Variants in SEMA4B observed in about 807,000 individuals in gnomAD.
The protein encoded by SEMA4B is semaphorin 4B.
Under a neutral mutation model 88.1 loss-of-function variants are expected in SEMA4B, and 55 were observed. The ratio of observed to expected loss-of-function variants is 0.62; its 90% CI spans 0.50 to 0.78. The LOEUF (loss-of-function observed/expected upper bound fraction) is 0.78, where lower values mean the gene tolerates loss of function less well. Ranked by LOEUF, SEMA4B falls within the 30% of genes least tolerant of loss-of-function variation. The pLI is 0.00. For missense variants in SEMA4B, 1,062 were observed against 1,111.9 expected (o/e 0.96, Z 0.64); for synonymous variants, 525 against 473.6 (o/e 1.11, Z -1.41).
At position 90,221,707 on chromosome 15, in the gene SEMA4B, GC is replaced by G; in HGVS notation, c.805del (p.Gln269ArgfsTer60). 2.5e-6 allele frequency: 4 copies of G among 1,614,002 alleles called. No homozygotes were observed. Among genetic ancestry groups the G allele is most frequent in the Non-Finnish European group, 3.4e-6 (4 of 1,179,900 alleles). ...DKIYFFFSET[G>X]QEFEFFENTI... Reference sequence around the variant, plus strand: ...ATCTACTTTTTCTTCAGCGAGACTGGCCAGGAATTTGAGTTCTTTGAGAACA... The same window carrying G: ...ATCTACTTTTTCTTCAGCGAGACTGGCAGGAATTTGAGTTCTTTGAGAACA... On this transcript the variant is annotated frameshift_variant, in exon 7 of 14. Coordinates refer to ENST00000411539, the MANE Select transcript of SEMA4B (RefSeq NM_198925.4). LOFTEE classifies it high-confidence loss of function.
At position 90,227,572 on chromosome 15, in the gene SEMA4B, C is replaced by T; in HGVS notation, c.1704C>T (p.Asp568=). Residue 568 remains aspartate (D), a synonymous_variant, in exon 13 of 14, where the codon GAC becomes GAT. Transcript: ENST00000411539. The stretch of plus-strand genomic sequence containing the variant: ...TGGCCCTCAGGCCGTGGATCCAGGA[C>T]ATCGAGGGAGCCAGCGCCAAGGACC... ...PQLATRPWIQ[D]IEGASAKDLC... 6.2e-7 allele frequency: 1 copy of T among 1,613,988 alleles called. No homozygotes were observed. Among genetic ancestry groups the T allele is most frequent in the Non-Finnish European group, 8.5e-7 (1 of 1,179,880 alleles).
rs1436163565 is a variant in SEMA4B, at chr15:90,212,958, GC to G, written c.158-4479del. Among the ~76,000 whole-genome samples, 6 of 152,290 alleles carry G rather than the reference GC, an allele frequency of 3.9e-5. No individual in the cohort carries two copies. Among genetic ancestry groups the G allele is most frequent in the Admixed American group, 2.6e-4 (4 of 15,282 alleles). ...CTCCCGCAAGGAGCCCTGCCCTTCT[GC>G]CAGCTCTCACCGGGCCGGATTTTCC... On this transcript the variant is annotated intron_variant, in intron 1 of 13. Coordinates refer to ENST00000411539, the MANE Select transcript of SEMA4B (RefSeq NM_198925.4). The surrounding 1 kb of genome is among the most constrained non-coding windows in gnomAD (Gnocchi z 4.0).
intron 9 of SEMA4B, among the ~76,000 whole-genome samples, chr15:90,224,282 C>G (rs1259773037): frequency 6.6e-6 from 1 of 152,238 alleles, no homozygotes. Context: ...TACTCAGCTG[C>G]AAGCTCCTTA....
Position 90,223,623 on chromosome 15 carries a change from T to C in SEMA4B, c.926T>C (p.Leu309Pro), listed in dbSNP as rs1961979879. 2 of 1,613,462 alleles carry C rather than the reference T, an allele frequency of 1.2e-6. No homozygotes were observed. Among genetic ancestry groups the C allele is most frequent in the South Asian group, 2.2e-5 (2 of 91,026 alleles). The stretch of plus-strand genomic sequence containing the variant: ...ACCTCCTTCCTCAAGGCCCAGCTGC[T>C]GTGCTCACGGCCCGACGATGGCTTC... ...RWTSFLKAQL[L>P]CSRPDDGFPF... Residue 309 changes from leucine to proline, a missense_variant, in exon 8 of 14, where the codon CTG becomes CCG. By Grantham distance (98) the Leu-to-Pro change is moderately conservative (BLOSUM62 -3). Transcript: ENST00000411539.
intron 1 of SEMA4B, among the ~76,000 whole-genome samples, chr15:90,206,283 C>G (rs530492891): frequency 6.6e-6 from 1 of 152,176 alleles, no homozygotes; most frequent in African/African-American, 2.4e-5. Context: ...GCAACAGGAA[C>G]AACACAACGC....
chr15:90,201,473 CCCCCGGGGCGA>C lies in SEMA4B; in HGVS notation c.-104_-94del, dbSNP rs1177273311. On this transcript the variant is annotated 5_prime_UTR_variant, in exon 1 of 14. Coordinates refer to ENST00000411539, the MANE Select transcript of SEMA4B (RefSeq NM_198925.4). ...CGCCCCCCAGGTCCGGAGGCGGGGG[CCCCCGGGGCGA>C]CTCGGGGGCGGACCGCGGGGCGGAG... The C allele has an allele frequency of 3.8e-6, 5 of 1,307,910 alleles. No individual in the cohort carries two copies. The highest frequency in any genetic ancestry group is 4.2e-5 in the Admixed American group (1 of 23,634). The allele number at this position is 1,307,910 out of a possible 1,614,324, so 81.0% of individuals were successfully genotyped here.
At chr15:90,222,223 A>T (rs2151621543) in intron 7 of SEMA4B, among the ~76,000 whole-genome samples, 1 of 146,320 alleles carries the variant, frequency 6.8e-6, no homozygotes, top group Non-Finnish European at 1.5e-5. Context: ...TACAGGCATG[A>T]GCCACTGCAC....
chr15:90,210,081 C>T (rs777301194), intron 1 of SEMA4B, among the ~76,000 whole-genome samples: 1 of 151,966 alleles, frequency 6.6e-6, no homozygotes, highest in Non-Finnish European at 1.5e-5. Context: ...CTCAGGACTG[C>T]GGTAGTGGGG....
rs967513426 is a variant in SEMA4B, at chr15:90,228,636, T to C, written c.2507T>C (p.Val836Ala). 3 of 1,613,070 alleles carry C rather than the reference T, an allele frequency of 1.9e-6. No individual in the cohort carries two copies. In the African/African-American group the frequency reaches 4.0e-5, roughly 22 times the overall value. The change falls in exon 14 of 14, where the codon GTG becomes GCG. Residue 836 changes from valine (V) to alanine (A), a missense_variant. By Grantham distance (64) the Val-to-Ala change is moderately conservative (BLOSUM62 0). Coordinates refer to ENST00000411539, the MANE Select transcript of SEMA4B (RefSeq NM_198925.4). ...CTTGGCTCGGAGATCCGTGACTCTG[T>C]GGTGTGAGAGCTGACTTCCAGAGGA... is the stretch of plus-strand genomic sequence containing the variant. ...VRLGSEIRDS[V>A]V
At chr15:90,221,546 T>C in intron 6 of SEMA4B, 66 bp downstream of exon 6, 2 of 1,607,618 alleles carry the variant, frequency 1.2e-6, no homozygotes, top group Non-Finnish European at 1.7e-6. Context: ...AAGGGGGCAC[T>C]TTCCCCCAGC....
At chr15:90,188,113 G>A (rs574583746) in intron 1 of SEMA4B, among the ~76,000 whole-genome samples, 3 of 151,972 alleles carry the variant, frequency 2.0e-5, no homozygotes, top group Non-Finnish European at 2.9e-5. Flanking sequence ...GAGTCCAGGA[G>A]TTCGAGACCA....
At position 90,223,929 on chromosome 15, in the gene SEMA4B, C is replaced by T. The variant is rs762088970; in HGVS notation, c.1135C>T (p.Arg379Cys). ...CAGCGGCCTCTACAAGGAGGTGAAC[C>T]GTGAGACACAGCAGTGGTACACCGT... ...VFSGLYKEVN[R>C]ETQQWYTVTH... The change falls in exon 9 of 14, where the codon CGT (arginine) becomes TGT (cysteine). Residue 379 changes from arginine to cysteine, a missense_variant. Arg to Cys is a radical substitution (Grantham distance 180). Transcript: ENST00000411539. The T allele has an allele frequency of 8.1e-6, 13 of 1,613,712 alleles. No homozygotes were observed. Among genetic ancestry groups the T allele is most frequent in the East Asian group, 4.5e-5 (2 of 44,886 alleles).
chr15:90,212,766 A>T lies in SEMA4B; in HGVS notation c.158-4673A>T, dbSNP rs1218366704. On this transcript the variant is annotated intron_variant, in intron 1 of 13. Coordinates refer to ENST00000411539, the MANE Select transcript of SEMA4B (RefSeq NM_198925.4). This position sits in a 1 kb window ranked among gnomAD's most constrained non-coding sequence, Gnocchi z 4.0. Reference sequence around the variant, plus strand: ...TTAGACAGTAACACCACTCACACCGAGCACAGACCAGCTCGCGCCCACAAC... The same window carrying T: ...TTAGACAGTAACACCACTCACACCGTGCACAGACCAGCTCGCGCCCACAAC... 1.3e-5 allele frequency among the ~76,000 whole-genome samples: 2 copies of T among 152,174 alleles called. No individual in the cohort carries two copies. The highest frequency in any genetic ancestry group is 2.9e-5 in the Non-Finnish European group (2 of 68,030).
At position 90,217,903 on chromosome 15, in the gene SEMA4B, C is replaced by T. The variant is rs1026307043; in HGVS notation, c.384+74C>T. The T allele has an allele frequency of 1.9e-5, 26 of 1,337,026 alleles. No homozygotes were observed. In the East Asian group the frequency reaches 2.4e-4, roughly 13 times the overall value. 82.8% of individuals were successfully genotyped at this position (1,337,026 alleles called of 1,614,324 possible). ...GGTGGACTTCCATCCAGGCCAGAGG[C>T]GGGAGGTGGGAGCAGATACAGCCAG... is the stretch of plus-strand genomic sequence containing the variant. On this transcript the variant is annotated intron_variant, in intron 3 of 13. Coordinates refer to ENST00000411539, the MANE Select transcript of SEMA4B (RefSeq NM_198925.4).
chr15:90,193,047 T>C (rs1184595618), intron 1 of SEMA4B: 1 of 152,426 alleles, frequency 6.6e-6, no homozygotes, highest in Non-Finnish European at 1.5e-5. Flanking sequence ...CCAGCTTTGA[T>C]GATGACTTCA....
At chr15:90,188,985 G>T (rs573565944) in intron 1 of SEMA4B, among the ~76,000 whole-genome samples, 6 of 152,240 alleles carry the variant, frequency 3.9e-5, no homozygotes, top group Admixed American at 3.9e-4. Context: ...AATATTCTCT[G>T]AAAGAACAGT....
intron 12 of SEMA4B, 39 bp downstream of exon 12, chr15:90,225,866 CTGCA>C (rs1307022472): frequency 1.1e-5 from 16 of 1,443,842 alleles, no homozygotes; most frequent in African/African-American, 1.4e-5. Context: ...CTGTCCAGCC[CTGCA>C]CAGGTGACCT....
chr15:90,198,675 C>T (rs971880640), upstream of SEMA4B, among the ~76,000 whole-genome samples: 5 of 151,642 alleles, frequency 3.3e-5, no homozygotes, highest in African/African-American at 7.3e-5. Flanking sequence ...AGGTCAAAGG[C>T]CCTGCTGGTT....
At chr15:90,227,046 T>A (rs550049741) in intron 12 of SEMA4B, among the ~76,000 whole-genome samples, 3 of 152,064 alleles carry the variant, frequency 2.0e-5, no homozygotes, top group African/African-American at 7.2e-5. Flanking sequence ...CATACTATTT[T>A]TTATTATTAT....
Sources: gnomAD v4.1 joint callset for allele counts (sites outside exome capture counted in the v4.1 genomes callset) on GRCh38, gnomAD v4.1.1 for gene constraint, Gnocchi (gnomAD v3.1) non-coding constraint, MANE v1.5 for transcripts, NCBI Gene and HGNC (gene_info 2026-07-23, HGNC 2026-07-21) for gene names.